Variants in MCM2 observed in about 807,000 individuals in gnomAD.
MCM2 encodes minichromosome maintenance complex component 2.
MCM2 carries 49 observed loss-of-function variants against 86.4 expected under a neutral mutation model. That is an observed-to-expected ratio of 0.57 (90% CI 0.45 to 0.72). MCM2 has a LOEUF of 0.72. MCM2 is among the 30% of genes least tolerant of loss of function. The probability of loss-of-function intolerance (pLI) is 0.00; values close to 1 mark genes in which losing one functional copy is unlikely to be tolerated. For synonymous variants in MCM2, 475 were observed against 484.6 expected (o/e 0.98, Z 0.26); for missense variants, 1,038 against 1,259.9 (o/e 0.82, Z 2.67).
At chr3:127,615,787 T>C in intron 8 of MCM2, 75 bp from the exon 9 acceptor site, 1 of 1,082,250 alleles carries the variant, frequency 9.2e-7, no homozygotes, top group Non-Finnish European at 1.4e-6. Flanking sequence ...CGTGGTTCCC[T>C]GATGCCAGAG....
chr3:127,599,193 T>C, intron 1 of MCM2, 125 bp from the exon 2 acceptor site: 1 of 774,730 alleles, frequency 1.3e-6, no homozygotes, highest in Non-Finnish European at 2.2e-6. Context: ...GGAAGGGGTT[T>C]GGTGTGTTGG....
At chr3:127,615,373 TA>T (rs1559865935) in intron 8 of MCM2, among the ~76,000 whole-genome samples, 1 of 152,234 alleles carries the variant, frequency 6.6e-6, no homozygotes, top group Non-Finnish European at 1.5e-5. Context: ...AGTGACTCAC[TA>T]GTTGGAATTA....
At chr3:127,610,374 AATGG>A (rs2107690824) in intron 8 of MCM2, among the ~76,000 whole-genome samples, 1 of 152,196 alleles carries the variant, frequency 6.6e-6, no homozygotes, top group South Asian at 2.1e-4. Context: ...ATTTTGAAGG[AATGG>A]ATGGTGGGGT....
At chr3:127,598,624 G>C in intron 1 of MCM2, 152 bp downstream of exon 1, 1 of 1,098,736 alleles carries the variant, frequency 9.1e-7, no homozygotes, top group East Asian at 2.7e-5. Context: ...TGCACCCTGC[G>C]TGAGGCGACT....
Position 127,620,716 on chromosome 3 carries a change from A to T in MCM2, c.2284A>T (p.Ile762Phe). 1 of 1,603,650 alleles carries T rather than the reference A, an allele frequency of 6.2e-7. No individual in the cohort carries two copies. Among genetic ancestry groups the T allele is most frequent in the South Asian group, 1.1e-5 (1 of 90,300 alleles). Reference protein sequence around the residue: ...KESMATGSIPITVRHIESMIR... With the variant: ...KESMATGSIPFTVRHIESMIR... Reference sequence around the variant, plus strand: ...TCTCCAGGCGACAGGCAGCATCCCCATTACGGTGCGGCACATCGAGTCCAT... The same window carrying T: ...TCTCCAGGCGACAGGCAGCATCCCCTTTACGGTGCGGCACATCGAGTCCAT... The change falls in exon 14 of 16, where the codon ATT becomes TTT. Residue 762 changes from isoleucine to phenylalanine, a missense_variant. By Grantham distance (21) the Ile-to-Phe change is conservative (BLOSUM62 0). Around this residue, in one of 4 missense-constraint regions of MCM2, gnomAD observed 336 missense variants for 425.7 expected, o/e 0.79. Transcript: ENST00000265056.
In MCM2 at chr3:127,617,584, A is replaced by G. The variant is rs1054168660; in HGVS notation, c.1900+179A>G. 12 of 777,506 alleles carry G rather than the reference A, an allele frequency of 1.5e-5. No homozygotes were observed. The highest frequency in any genetic ancestry group is 2.4e-5 in the Non-Finnish European group (12 of 500,052). 48.2% of individuals were successfully genotyped at this position (777,506 alleles called of 1,614,324 possible). A position where few individuals can be genotyped will look rare whatever the true frequency, so the allele number is the denominator to read the frequency against. On this transcript the variant is annotated intron_variant, in intron 11 of 15. Transcript: ENST00000265056. This position sits in a 1 kb window ranked among gnomAD's most constrained non-coding sequence, Gnocchi z 4.1. ...GAACAGTGAAAGTGGGACCTGGGAC[A>G]CCTGGGTTTCCTGTTGAGTCATGTT...
rs936969802 is a variant in MCM2, at chr3:127,618,804, C to T, written c.2014-223C>T. Among the ~76,000 whole-genome samples, 1 of 152,216 alleles carries T rather than the reference C, an allele frequency of 6.6e-6. No individual in the cohort carries two copies. Among genetic ancestry groups the T allele is most frequent in the Non-Finnish European group, 1.5e-5 (1 of 68,046 alleles). Reference sequence around the variant, plus strand: ...TACTTTCCATAATTAATTTTTAAGACTATTTGTCTCCTGTCCCCTTGTGGA... The same window carrying T: ...TACTTTCCATAATTAATTTTTAAGATTATTTGTCTCCTGTCCCCTTGTGGA... On this transcript the variant is annotated intron_variant, in intron 12 of 15. Coordinates refer to ENST00000265056, the MANE Select transcript of MCM2 (RefSeq NM_004526.4). This position sits in a 1 kb window ranked among gnomAD's most constrained non-coding sequence, Gnocchi z 4.0.
chr3:127,599,881 A>G (rs1051778247), intron 2 of MCM2, among the ~76,000 whole-genome samples: 1 of 152,260 alleles, frequency 6.6e-6, no homozygotes, highest in Non-Finnish European at 1.5e-5. Flanking sequence ...TAACTTTTCA[A>G]AGGAAAGGTG....
intron 14 of MCM2, 26 bp from the exon 15 acceptor site, chr3:127,621,047 G>A (rs2074474519): frequency 1.2e-6 from 2 of 1,612,738 alleles, no homozygotes; most frequent in African/African-American, 2.7e-5. Flanking sequence ...GGGAGCGGGT[G>A]TTTGACTGAG....
intron 8 of MCM2, among the ~76,000 whole-genome samples, chr3:127,609,345 A>T (rs1341721572): frequency 2.0e-5 from 3 of 152,188 alleles, no homozygotes; most frequent in Admixed American, 2.0e-4. Context: ...TTAGCAGATC[A>T]TTTCAAGCTG....
rs1276925092 is a variant in MCM2 at position 127,618,126 on chromosome 3, A to G, written c.2013+45A>G. 1 of 1,515,658 alleles carries G rather than the reference A, an allele frequency of 6.6e-7. No homozygotes were observed. Among genetic ancestry groups the G allele is most frequent in the South Asian group, 1.1e-5 (1 of 87,688 alleles). The allele number at this position is 1,515,658 out of a possible 1,614,324, so 93.9% of individuals were successfully genotyped here. A position where few individuals can be genotyped will look rare whatever the true frequency, so the allele number is the denominator to read the frequency against. On this transcript the variant is annotated intron_variant, in intron 12 of 15. Transcript: ENST00000265056. The surrounding 1 kb of genome is among the most constrained non-coding windows in gnomAD (Gnocchi z 4.0). ...GGTTTCCATGAACTGTGGTTTGGGG[A>G]CCTCAGGTGAGGCTTGGGGTCATAC...
chr3:127,613,960 C>T (rs1452334779), intron 8 of MCM2, among the ~76,000 whole-genome samples: 1 of 152,226 alleles, frequency 6.6e-6, no homozygotes, highest in Non-Finnish European at 1.5e-5. Flanking sequence ...TTACAAGGAC[C>T]TACTCCCTGG....
chr3:127,621,993 C>T lies in MCM2; in HGVS notation c.*220C>T, dbSNP rs1456245381. ...TGGGATGCCTTGCCAGTGTGTCTTA[C>T]TTGGTTGCTGAACATCTTGCCACCT... On this transcript the variant is annotated 3_prime_UTR_variant, in exon 16 of 16. Coordinates refer to ENST00000265056, the MANE Select transcript of MCM2 (RefSeq NM_004526.4). The T allele has an allele frequency of 2.0e-6, 1 of 507,468 alleles. No homozygotes were observed. Among genetic ancestry groups the T allele is most frequent in the African/African-American group, 2.0e-5 (1 of 51,252 alleles). The allele number at this position is 507,468 out of a possible 1,614,324, so 31.4% of individuals were successfully genotyped here. A position where few individuals can be genotyped will look rare whatever the true frequency, so the allele number is the denominator to read the frequency against.
chr3:127,603,075 G>C (rs1432722667), intron 2 of MCM2, among the ~76,000 whole-genome samples: 1 of 146,314 alleles, frequency 6.8e-6, no homozygotes, highest in Non-Finnish European at 1.5e-5. Context: ...GCAGTGGTGT[G>C]ATCTCGGCTC....
rs1450821316 is a variant in MCM2, at chr3:127,621,842, T to C, written c.*69T>C. ...GGTGGTCAGTGCCCTCTGTGCTTTA[T>C]GGACACAAAACCAGAGCACTTGATG... On this transcript the variant is annotated 3_prime_UTR_variant, in exon 16 of 16. Transcript: ENST00000265056. 4.2e-6 allele frequency: 5 copies of C among 1,201,930 alleles called. No homozygotes were observed. Among genetic ancestry groups the C allele is most frequent in the African/African-American group, 1.5e-5 (1 of 65,872 alleles). 74.5% of individuals were successfully genotyped at this position (1,201,930 alleles called of 1,614,324 possible).
intron 1 of MCM2, chr3:127,598,957 C>T (rs1423809956): frequency 2.6e-6 from 1 of 388,748 alleles, no homozygotes; most frequent in Admixed American, 4.4e-5. Context: ...ATACCTTGCG[C>T]ACTGTGTGTG....
In MCM2 at chr3:127,599,428, C is replaced by G. The variant is rs777028345; in HGVS notation, c.117C>G (p.Thr39=). Reference sequence around the variant, plus strand: ...GCTCCCGGCGTACTGATGCCCTCACCTCCAGCCCTGGCCGTGACCTTCCAC... The same window carrying G: ...GCTCCCGGCGTACTGATGCCCTCACGTCCAGCCCTGGCCGTGACCTTCCAC... ...GRSSRRTDAL[T]SSPGRDLPPF... Residue 39 remains threonine, a synonymous_variant, in exon 2 of 16, where the codon ACC becomes ACG. Transcript: ENST00000265056. The G allele has an allele frequency of 6.2e-7, 1 of 1,614,230 alleles. No individual in the cohort carries two copies. The highest frequency in any genetic ancestry group is 1.1e-5 in the South Asian group (1 of 91,086).
chr3:127,599,263 T>C (rs2074285282), intron 1 of MCM2, 55 bp from the exon 2 acceptor site: 3 of 1,472,522 alleles, frequency 2.0e-6, no homozygotes, highest in Non-Finnish European at 2.8e-6. Flanking sequence ...AAAAGGAAGC[T>C]GTATCATGCC....
intron 9 of MCM2, among the ~76,000 whole-genome samples, 156 bp downstream of exon 9, chr3:127,616,111 G>A (rs1442777492): frequency 6.6e-6 from 1 of 152,222 alleles, no homozygotes; most frequent in African/African-American, 2.4e-5. Flanking sequence ...CTTCAAGGGA[G>A]AGGGTGGCCC....
Sources: allele counts gnomAD v4.1 joint callset (sites outside exome capture counted in the v4.1 genomes callset), GRCh38; gene constraint gnomAD v4.1.1; regional missense constraint gnomAD v4.1.1; non-coding constraint Gnocchi (gnomAD v3.1); transcripts MANE v1.5; gene names NCBI Gene and HGNC (gene_info 2026-07-23, HGNC 2026-07-21).